MRPL50: variants seen among roughly 807,000 people sequenced by gnomAD.
The protein encoded by MRPL50 is mitochondrial ribosomal protein L50.
MRPL50 carries 10 observed loss-of-function variants against 16.2 expected under a neutral mutation model. The ratio of observed to expected loss-of-function variants is 0.62; its 90% CI spans 0.38 to 1.05. The LOEUF (loss-of-function observed/expected upper bound fraction) is 1.05. Among genes scored for constraint, MRPL50 ranks in the 50% least tolerant of loss-of-function variants. The probability of loss-of-function intolerance (pLI) is 0.01; values close to 1 mark genes in which losing one functional copy is unlikely to be tolerated. For synonymous variants in MRPL50, 68 were observed against 66.8 expected, an observed-to-expected ratio of 1.02 and a Z score of -0.09; for missense variants, 213 against 187.1, an observed-to-expected ratio of 1.14 and a Z score of -0.81.
At chr9:101,392,239 A>T (rs958600565) in intron 1 of MRPL50, among the ~76,000 whole-genome samples, 1 of 152,030 alleles carries the variant, frequency 6.6e-6, no homozygotes, top group Non-Finnish European at 1.5e-5. Flanking sequence ...CAATCTAAAG[A>T]TGTACCTTAA....
At position 101,390,367 on chromosome 9, in the gene MRPL50, C is replaced by T; in HGVS notation, c.*99G>A. On this transcript the variant is annotated 3_prime_UTR_variant, in exon 2 of 2. Coordinates refer to ENST00000374865, the MANE Select transcript of MRPL50 (RefSeq NM_019051.3). The stretch of plus-strand genomic sequence containing the variant: ...GAAAAAGTGGGTTTAGAGAACAGTT[C>T]TGGTAGTATTTCACATGGTAAAGTA... The T allele has an allele frequency of 6.6e-7, 1 of 1,512,880 alleles. No individual in the cohort carries two copies. Among genetic ancestry groups the T allele is most frequent in the South Asian group, 1.4e-5 (1 of 72,540 alleles). 93.7% of individuals were successfully genotyped at this position (1,512,880 alleles called of 1,614,324 possible).
chr9:101,392,284 GAAGGA>G (rs1830283590), intron 1 of MRPL50, among the ~76,000 whole-genome samples: 1 of 151,608 alleles, frequency 6.6e-6, no homozygotes, highest in Non-Finnish European at 1.5e-5. Context: ...AAAATTAGTA[GAAGGA>G]AAGAAATAAG....
rs556035084 is a variant in MRPL50 at position 101,388,467 on chromosome 9, T to C, written c.*1999A>G. 2 of 152,214 alleles carry C rather than the reference T, an allele frequency of 1.3e-5. No individual in the cohort carries two copies. The highest frequency in any genetic ancestry group is 4.8e-5 in the African/African-American group (2 of 41,552). The allele number at this position is 152,214 out of a possible 1,614,324, so 9.4% of individuals were successfully genotyped here. On this transcript the variant is annotated 3_prime_UTR_variant, in exon 2 of 2. Transcript: ENST00000374865. ...AATCCTGTACATAAAATTCCAATGA[T>C]TCCATGCTGAATCTTTTACACAGCA...
chr9:101,392,626 A>G (rs1289569701), intron 1 of MRPL50, among the ~76,000 whole-genome samples: 2 of 152,090 alleles, frequency 1.3e-5, no homozygotes, highest in Non-Finnish European at 2.9e-5. Context: ...AATGAGAAAG[A>G]GGCTGTAATA....
intron 1 of MRPL50, among the ~76,000 whole-genome samples, chr9:101,393,142 T>C (rs1830294465): frequency 6.6e-6 from 1 of 152,128 alleles, no homozygotes; most frequent in Admixed American, 6.6e-5. Flanking sequence ...AAGCATTTCA[T>C]ACATTTCAAC....
intron 1 of MRPL50, among the ~76,000 whole-genome samples, chr9:101,395,904 T>C (rs1694561547): frequency 1.3e-5 from 2 of 152,178 alleles, no homozygotes; most frequent in African/African-American, 4.8e-5. Context: ...CTATAGTTAG[T>C]AGTAATTTAT....
rs1442907690 is a variant in MRPL50, at chr9:101,390,308, T to C, written c.*158A>G. On this transcript the variant is annotated 3_prime_UTR_variant, in exon 2 of 2. Coordinates refer to ENST00000374865, the MANE Select transcript of MRPL50 (RefSeq NM_019051.3). ...AAGTCCGTTATTTGTCCATTTGTAA[T>C]ATGAGAAAAAAAAAGATGATACATT... is the stretch of plus-strand genomic sequence containing the variant. 7.5e-7 allele frequency: 1 copy of C among 1,336,496 alleles called. No homozygotes were observed. Among genetic ancestry groups the C allele is most frequent in the East Asian group, 2.8e-5 (1 of 36,108 alleles). 82.8% of individuals were successfully genotyped at this position (1,336,496 alleles called of 1,614,324 possible). A position where few individuals can be genotyped will look rare whatever the true frequency, so the allele number is the denominator to read the frequency against.
At position 101,395,307 on chromosome 9, in the gene MRPL50, A is replaced by C. The variant is rs114181003; in HGVS notation, c.92+3194T>G. On this transcript the variant is annotated intron_variant, in intron 1 of 1. Coordinates refer to ENST00000374865, the MANE Select transcript of MRPL50 (RefSeq NM_019051.3). ...AGGATGTAAAGGGGAATACCAGTAC[A>C]CTGTTGGTGGGAATGTAAATTAGTA... Among the ~76,000 whole-genome samples the C allele has an allele frequency of 3.2e-3, 489 of 152,352 alleles. 5 individuals carry two copies. Among genetic ancestry groups the C allele is most frequent in the Middle Eastern group, 0.014 (4 of 294 alleles).
Position 101,388,096 on chromosome 9 carries a change from T to C in MRPL50, c.*2370A>G, listed in dbSNP as rs1252766757. 1 of 152,092 alleles carries C rather than the reference T, an allele frequency of 6.6e-6. No homozygotes were observed. Among genetic ancestry groups the C allele is most frequent in the Non-Finnish European group, 1.5e-5 (1 of 68,002 alleles). The allele number at this position is 152,092 out of a possible 1,614,324, so 9.4% of individuals were successfully genotyped here. On this transcript the variant is annotated 3_prime_UTR_variant, in exon 2 of 2. Transcript: ENST00000374865. The stretch of plus-strand genomic sequence containing the variant: ...ACCTCAATACCAGCATCTAGATCCA[T>C]GTTCTCAAAACATAATCAGCTTTTG...
chr9:101,393,746 T>A (rs1169918418), intron 1 of MRPL50, among the ~76,000 whole-genome samples: 1 of 151,696 alleles, frequency 6.6e-6, no homozygotes, highest in Non-Finnish European at 1.5e-5. Context: ...GTAAAAGGTC[T>A]CTACAATAAA....
chr9:101,388,986 CTATAACA>C lies in MRPL50; in HGVS notation c.*1473_*1479del, dbSNP rs1306553646. 13 of 126,920 alleles carry C rather than the reference CTATAACA, an allele frequency of 1.0e-4. No homozygotes were observed. The highest frequency in any genetic ancestry group is 4.6e-4 in the South Asian group (2 of 4,320). 7.9% of individuals were successfully genotyped at this position (126,920 alleles called of 1,614,324 possible). A position where few individuals can be genotyped will look rare whatever the true frequency, so the allele number is the denominator to read the frequency against. The stretch of plus-strand genomic sequence containing the variant: ...TTGTGAATACTATTTACATTCACAA[CTATAACA>C]TATAACATATTATTCACAATAGTTA... On this transcript the variant is annotated 3_prime_UTR_variant, in exon 2 of 2. Transcript: ENST00000374865.
In MRPL50 at chr9:101,390,165, G is replaced by C. The variant is rs1425161064; in HGVS notation, c.*301C>G. 1 of 1,098,072 alleles carries C rather than the reference G, an allele frequency of 9.1e-7. No individual in the cohort carries two copies. The allele number at this position is 1,098,072 out of a possible 1,614,324, so 68.0% of individuals were successfully genotyped here. A position where few individuals can be genotyped will look rare whatever the true frequency, so the allele number is the denominator to read the frequency against. ...TGCAACTACTTTATGCTTATGAAAGGTGTGAACTTGCAATGTCCTCCTGTC... is the reference window on the plus strand; with the variant it reads ...TGCAACTACTTTATGCTTATGAAAGCTGTGAACTTGCAATGTCCTCCTGTC... On this transcript the variant is annotated 3_prime_UTR_variant, in exon 2 of 2. Transcript: ENST00000374865.
chr9:101,397,534 A>C (rs776619416), intron 1 of MRPL50, among the ~76,000 whole-genome samples: 1 of 152,232 alleles, frequency 6.6e-6, no homozygotes, highest in Non-Finnish European at 1.5e-5. Context: ...CTACGAGAAC[A>C]AAAATTTGGT....
intron 1 of MRPL50, among the ~76,000 whole-genome samples, chr9:101,394,443 C>A (rs1830314793): frequency 6.6e-6 from 1 of 152,100 alleles, no homozygotes; most frequent in Non-Finnish European, 1.5e-5. Context: ...TCACTTAGAC[C>A]CCCTATGATT....
intron 1 of MRPL50, among the ~76,000 whole-genome samples, chr9:101,393,894 C>T (rs1372461944): frequency 7.2e-6 from 1 of 139,860 alleles, no homozygotes; most frequent in Non-Finnish European, 1.5e-5. Flanking sequence ...TAATCTTTAT[C>T]AAAATACCAA....
chr9:101,398,152 C>G (rs1179928896), intron 1 of MRPL50, among the ~76,000 whole-genome samples: 1 of 152,078 alleles, frequency 6.6e-6, no homozygotes. Flanking sequence ...GAAACACAGC[C>G]GGCAAATGAG....
intron 1 of MRPL50, 97 bp downstream of exon 1, chr9:101,398,404 C>T: frequency 1.7e-6 from 2 of 1,189,596 alleles, no homozygotes; most frequent in Non-Finnish European, 2.5e-6. Flanking sequence ...TCTGATCAGG[C>T]GCGGGACCAC....
At position 101,387,710 on chromosome 9, in the gene MRPL50, T is replaced by C. The variant is rs1156356822; in HGVS notation, c.*2756A>G. On this transcript the variant is annotated 3_prime_UTR_variant, in exon 2 of 2. Coordinates refer to ENST00000374865, the MANE Select transcript of MRPL50 (RefSeq NM_019051.3). Reference sequence around the variant, plus strand: ...AAAACCATTCTATTGAGTCTGAATCTCTATTTTATTAGCAGGCTTTATTTA... The same window carrying C: ...AAAACCATTCTATTGAGTCTGAATCCCTATTTTATTAGCAGGCTTTATTTA... 2 of 152,162 alleles carry C rather than the reference T, an allele frequency of 1.3e-5. No homozygotes were observed. The highest frequency in any genetic ancestry group is 4.8e-5 in the African/African-American group (2 of 41,462). 9.4% of individuals were successfully genotyped at this position (152,162 alleles called of 1,614,324 possible).
At chr9:101,398,354 T>C in intron 1 of MRPL50, 147 bp downstream of exon 1, 1 of 688,654 alleles carries the variant, frequency 1.5e-6, no homozygotes, top group East Asian at 2.6e-5. Context: ...CAATGAGTGC[T>C]TCTCAACTCG....
Sources: allele counts gnomAD v4.1 joint callset (sites outside exome capture counted in the v4.1 genomes callset), GRCh38; gene constraint gnomAD v4.1.1; transcripts MANE v1.5; gene names NCBI Gene and HGNC (gene_info 2026-07-23, HGNC 2026-07-21).